Variants in TENM1 observed in about 807,000 individuals in gnomAD.
TENM1 encodes the protein teneurin transmembrane protein 1.
A neutral mutation model predicts 174.8 loss-of-function variants in TENM1; 35 were observed. The observed-to-expected ratio is 0.20, with a 90% CI of 0.15 to 0.27. The LOEUF (loss-of-function observed/expected upper bound fraction) is 0.27. Among genes scored for constraint, TENM1 ranks in the 10% least tolerant of loss-of-function variants. TENM1 has a pLI of 1.00. For synonymous variants in TENM1, 781 were observed against 798.7 expected, an observed-to-expected ratio of 0.98 and a Z score of 0.37; for missense variants, 1,633 against 2,130.1, an observed-to-expected ratio of 0.77 and a Z score of 4.59.
chrX:125,135,427 T>C, the TENM1 span, among the ~76,000 whole-genome samples: 5 of 102,008 alleles, frequency 4.9e-5, no homozygotes, highest in African/African-American at 1.9e-4. Flanking sequence ...AATGGTTAAT[T>C]GGTTATGTGT....
At chrX:125,124,584 T>G in the TENM1 span, among the ~76,000 whole-genome samples, 1 of 112,347 alleles carries the variant, frequency 8.9e-6, no homozygotes, top group South Asian at 3.7e-4. Context: ...GTCATTGTAT[T>G]GCTTTTCCAT....
intron 22 of TENM1, among the ~76,000 whole-genome samples, chrX:124,462,239 A>G (rs1459242806): frequency 9.1e-6 from 1 of 110,237 alleles, no homozygotes; most frequent in Admixed American, 9.8e-5. Context: ...GGCTGGCTGC[A>G]TGCAGACCAT....
the TENM1 span, among the ~76,000 whole-genome samples, chrX:125,136,919 TC>T: frequency 9.0e-6 from 1 of 110,901 alleles, no homozygotes; most frequent in African/African-American, 3.3e-5. Context: ...CTGGAACCAA[TC>T]CCCCACAGAT....
At chrX:124,468,647 T>C (rs1209741903) in intron 22 of TENM1, among the ~76,000 whole-genome samples, 4 of 111,900 alleles carry the variant, frequency 3.6e-5, no homozygotes, top group Non-Finnish European at 7.5e-5. Context: ...TATATATCCA[T>C]GAATAATATA....
At chrX:124,463,877 G>GA (rs781695591) in intron 22 of TENM1, among the ~76,000 whole-genome samples, 6 of 96,903 alleles carry the variant, frequency 6.2e-5, no homozygotes, top group Non-Finnish European at 8.4e-5. Flanking sequence ...GTGTGTGTGT[G>GA]GAGAGAGAGA....
the TENM1 span, among the ~76,000 whole-genome samples, chrX:125,198,527 T>A: frequency 8.9e-6 from 1 of 111,957 alleles, no homozygotes; most frequent in Non-Finnish European, 1.9e-5. Flanking sequence ...CTGTGATTAT[T>A]TTTTAAAAAT....
the TENM1 span, among the ~76,000 whole-genome samples, chrX:125,168,993 G>GTGT: frequency 5.1e-3 from 558 of 109,638 alleles, 2 homozygotes; most frequent in African/African-American, 0.018. Context: ...TGTGTGTGTG[G>GTGT]GTGTGTGTGT....
intron 14 of TENM1, among the ~76,000 whole-genome samples, chrX:124,555,463 T>A (rs2048673070): frequency 8.9e-6 from 1 of 112,099 alleles, no homozygotes; most frequent in Non-Finnish European, 1.9e-5. Context: ...ATGAGAAAAC[T>A]ATGCAAGGAG....
intron 3 of TENM1, among the ~76,000 whole-genome samples, chrX:124,783,522 A>G (rs2054964949): frequency 9.0e-6 from 1 of 111,494 alleles, no homozygotes; most frequent in African/African-American, 3.3e-5. Flanking sequence ...GTAATGTCGA[A>G]TAAGTGGTGA....
intron 19 of TENM1, among the ~76,000 whole-genome samples, chrX:124,497,953 T>C (rs1221817919): frequency 9.0e-6 from 1 of 111,678 alleles, no homozygotes; most frequent in Non-Finnish European, 1.9e-5. Context: ...TTCTATATGC[T>C]GAAACTTTCT....
intron 5 of TENM1, among the ~76,000 whole-genome samples, chrX:124,675,044 C>T (rs991772028): frequency 9.0e-6 from 1 of 111,230 alleles, no homozygotes; most frequent in Non-Finnish European, 1.9e-5. Context: ...TTTTCACCAT[C>T]GAATGAAATG....
chrX:124,416,778 G>A (rs2060598567), intron 25 of TENM1, among the ~76,000 whole-genome samples: 1 of 111,956 alleles, frequency 8.9e-6, no homozygotes, highest in South Asian at 3.8e-4. Flanking sequence ...TATTGAGACT[G>A]AACTGCCGAT....
At chrX:124,688,902 G>A (rs1038686539) in intron 5 of TENM1, 2 of 111,281 alleles carry the variant, frequency 1.8e-5, no homozygotes, top group South Asian at 3.8e-4. Flanking sequence ...TCTCATCACC[G>A]AACAATAAAA....
At chrX:124,569,011 C>T (rs1395491728) in intron 11 of TENM1, among the ~76,000 whole-genome samples, 1 of 111,554 alleles carries the variant, frequency 9.0e-6, no homozygotes, top group Non-Finnish European at 1.9e-5. Flanking sequence ...TGAGAACAGC[C>T]TGTGCAACAT....
intron 3 of TENM1, among the ~76,000 whole-genome samples, chrX:124,800,532 T>C (rs1355821320): frequency 9.0e-6 from 1 of 111,134 alleles, no homozygotes; most frequent in African/African-American, 3.3e-5. Flanking sequence ...ATTTTGTTAA[T>C]TTTTTCAAAA....
chrX:124,948,567 T>G (rs898598043), intron 1 of TENM1, among the ~76,000 whole-genome samples: 6 of 112,245 alleles, frequency 5.3e-5, no homozygotes, highest in African/African-American at 2.0e-4. Context: ...TGTTGTTGTT[T>G]TTGAGACAGA....
upstream of TENM1, among the ~76,000 whole-genome samples, chrX:124,966,599 T>C (rs1233167644): frequency 9.4e-6 from 1 of 106,303 alleles, no homozygotes; most frequent in Admixed American, 1.0e-4. Context: ...GAGGCGGAGC[T>C]TGCAGTGAGC....
intron 15 of TENM1, among the ~76,000 whole-genome samples, chrX:124,541,158 A>C (rs1050173882): frequency 8.9e-6 from 1 of 112,260 alleles, no homozygotes; most frequent in Non-Finnish European, 1.9e-5. Context: ...TGGATTATTT[A>C]AGGTCCTAAT....
chrX:124,770,296 G>C (rs969022428), intron 3 of TENM1, among the ~76,000 whole-genome samples: 1 of 111,334 alleles, frequency 9.0e-6, no homozygotes, highest in African/African-American at 3.3e-5. Flanking sequence ...ATTTTTACTA[G>C]CTTCTTATTC....
Sources: allele counts gnomAD v4.1 joint callset (sites outside exome capture counted in the v4.1 genomes callset), GRCh38; gene constraint gnomAD v4.1.1; transcripts MANE v1.5; gene names NCBI Gene and HGNC (gene_info 2026-07-23, HGNC 2026-07-21).